Variants in PDZD2 observed in about 807,000 individuals in gnomAD.
PDZD2 encodes PDZ domain-containing protein 2.
A neutral mutation model predicts 220.7 loss-of-function variants in PDZD2; 90 were observed. The observed-to-expected ratio is 0.41, with a 90% CI of 0.34 to 0.49. The LOEUF (loss-of-function observed/expected upper bound fraction) is 0.49, where lower values mean the gene tolerates loss of function less well. Among genes scored for constraint, PDZD2 ranks in the 20% least tolerant of loss-of-function variants. PDZD2 has a pLI of 0.28. For synonymous variants in PDZD2, 1,375 were observed against 1,450.5 expected (o/e 0.95, Z 1.18); for missense variants, 3,174 against 3,608.5 (o/e 0.88, Z 3.08).
chr5:31,746,909 C>T (rs1443210615), intron 1 of PDZD2, among the ~76,000 whole-genome samples: 2 of 152,236 alleles, frequency 1.3e-5, no homozygotes, highest in African/African-American at 2.4e-5. Flanking sequence ...GGCGTGGTGG[C>T]TCACGCCTGT....
chr5:32,105,331 A>AATC (rs897090364), intron 24 of PDZD2, among the ~76,000 whole-genome samples: 22 of 152,198 alleles, frequency 1.4e-4, no homozygotes, highest in African/African-American at 5.1e-4. Context: ...AAATATTATA[A>AATC]ATCATTCTTT....
At chr5:31,666,673 C>T (rs1023515334) in intron 1 of PDZD2, among the ~76,000 whole-genome samples, 11 of 152,190 alleles carry the variant, frequency 7.2e-5, no homozygotes, top group African/African-American at 2.4e-4. Flanking sequence ...ATTCTACGCT[C>T]CAGTCTGAAA....
At chr5:31,855,487 G>T (rs1046203576) in intron 2 of PDZD2, among the ~76,000 whole-genome samples, 1 of 152,244 alleles carries the variant, frequency 6.6e-6, no homozygotes, top group South Asian at 2.1e-4. Context: ...GAGGGGACAG[G>T]TAATAGGGGG....
chr5:31,824,784 G>C lies in PDZD2; in HGVS notation c.476+25060G>C, dbSNP rs375629162. On this transcript the variant is annotated intron_variant, in intron 2 of 24. Coordinates refer to ENST00000438447, the MANE Select transcript of PDZD2 (RefSeq NM_178140.4). ...TTAAAATGGGAATAAAATGCGTTAG[G>C]AAAATTATGGAAAGATACACAAACA... Among the ~76,000 whole-genome samples the C allele has an allele frequency of 4.6e-5, 7 of 152,210 alleles. No homozygotes were observed. The East Asian group carries it at 1.4e-3, about 29-fold the overall frequency.
At chr5:31,856,945 A>G (rs920992773) in intron 2 of PDZD2, among the ~76,000 whole-genome samples, 1 of 150,412 alleles carries the variant, frequency 6.6e-6, no homozygotes, top group Non-Finnish European at 1.5e-5. Context: ...TAACTTTAAA[A>G]AGTCAAATAT....
chr5:31,906,645 C>T (rs1742685983), intron 2 of PDZD2, among the ~76,000 whole-genome samples: 1 of 152,066 alleles, frequency 6.6e-6, no homozygotes, highest in Non-Finnish European at 1.5e-5. Flanking sequence ...GAGTTCCAGA[C>T]CTGCCTGGCC....
intron 2 of PDZD2, among the ~76,000 whole-genome samples, chr5:31,845,431 G>T (rs891458566): frequency 6.6e-5 from 10 of 152,216 alleles, no homozygotes; most frequent in African/African-American, 2.4e-4. Flanking sequence ...GAGCTATCTG[G>T]AGAGGTGTGA....
In PDZD2 at chr5:32,103,728, A is replaced by G. The variant is rs1744474063; in HGVS notation, c.8353+2489A>G. ...CACGTAGCCTCTGCAGTCCAAAGGG[A>G]CACAACCCAAAAAAGCGTGTGAGCC... On this transcript the variant is annotated intron_variant, in intron 24 of 24. Coordinates refer to ENST00000438447, the MANE Select transcript of PDZD2 (RefSeq NM_178140.4). 5 of 152,394 alleles carry G rather than the reference A, an allele frequency of 3.3e-5. No individual in the cohort carries two copies. In the South Asian group the frequency reaches 1.0e-3, roughly 32 times the overall value. 9.4% of individuals were successfully genotyped at this position (152,394 alleles called of 1,614,324 possible).
intron 2 of PDZD2, among the ~76,000 whole-genome samples, chr5:31,850,492 C>T (rs1201180700): frequency 6.6e-6 from 1 of 151,880 alleles, no homozygotes; most frequent in East Asian, 1.9e-4. Flanking sequence ...TCTAGCCTCA[C>T]TTCTGCTTAA....
rs1745145862 is a variant in PDZD2, at chr5:31,646,604, A to AC, written c.-361+7170dup. Among the ~76,000 whole-genome samples the AC allele has an allele frequency of 6.6e-6, 1 of 151,946 alleles. No homozygotes were observed. The highest frequency in any genetic ancestry group is 1.5e-5 in the Non-Finnish European group (1 of 67,974). On this transcript the variant is annotated intron_variant, in intron 1 of 24. Coordinates refer to ENST00000438447, the MANE Select transcript of PDZD2 (RefSeq NM_178140.4). This position sits in a 1 kb window ranked among gnomAD's most constrained non-coding sequence, Gnocchi z 4.7. ...TGTTTTCAGTTGAACACCCCCCACCACCCGCCCAACACCCTCTTTCTGGCA... is the reference window on the plus strand; with the variant it reads ...TGTTTTCAGTTGAACACCCCCCACCACCCCGCCCAACACCCTCTTTCTGGCA...
chr5:31,893,685 A>C (rs914978925), intron 2 of PDZD2, among the ~76,000 whole-genome samples: 13 of 152,224 alleles, frequency 8.5e-5, no homozygotes, highest in African/African-American at 2.9e-4. Context: ...CTTAAAGTAT[A>C]AATCACCTTG....
At chr5:32,004,855 A>G (rs1410659606) in intron 5 of PDZD2, among the ~76,000 whole-genome samples, 1 of 152,188 alleles carries the variant, frequency 6.6e-6, no homozygotes, top group African/African-American at 2.4e-5. Context: ...GCATTCCAGA[A>G]CCAAAGGATG....
chr5:32,107,316 C>CT (rs1322650274), intron 24 of PDZD2: 1 of 152,108 alleles, frequency 6.6e-6, no homozygotes, highest in Non-Finnish European at 1.5e-5. Context: ...ATTCTCAGAA[C>CT]TTGCATATAT....
At chr5:31,955,630 A>T (rs917992039) in intron 2 of PDZD2, among the ~76,000 whole-genome samples, 2 of 142,356 alleles carry the variant, frequency 1.4e-5, no homozygotes, top group Non-Finnish European at 3.0e-5. Context: ...TCTCTCATTT[A>T]TCTTTCCCTG....
chr5:32,026,562 C>G (rs1754684680), intron 6 of PDZD2, among the ~76,000 whole-genome samples: 1 of 152,220 alleles, frequency 6.6e-6, no homozygotes. Flanking sequence ...CGCACGCACA[C>G]ACACACACAC....
At chr5:31,903,394 C>G (rs1304987017) in intron 2 of PDZD2, among the ~76,000 whole-genome samples, 1 of 151,574 alleles carries the variant, frequency 6.6e-6, no homozygotes, top group Non-Finnish European at 1.5e-5. Flanking sequence ...CACCTATAAT[C>G]CAAACACTTT....
Position 31,799,494 on chromosome 5 carries a change from T to A in PDZD2, c.246T>A (p.Thr82=). The change falls in exon 2 of 25, where the codon ACT becomes ACA. Residue 82 remains threonine (T), a synonymous_variant. Transcript: ENST00000438447. ...CCAAGGAGCTGGGGGACACAGAGACTGTGGGCCTGAGTTTTGGGAACATCC... is the reference window on the plus strand; with the variant it reads ...CCAAGGAGCTGGGGGACACAGAGACAGTGGGCCTGAGTTTTGGGAACATCC... The part of the protein sequence containing the change: ...YLTKELGDTE[T]VGLSFGNIPV... 1 of 1,614,158 alleles carries A rather than the reference T, an allele frequency of 6.2e-7. No individual in the cohort carries two copies. The highest frequency in any genetic ancestry group is 2.2e-5 in the East Asian group (1 of 44,870).
chr5:31,983,708 G>A (rs758299487), intron 3 of PDZD2, 52 bp downstream of exon 3: 1 of 1,550,190 alleles, frequency 6.5e-7, no homozygotes, highest in East Asian at 2.3e-5. Context: ...GTGTGTGTTT[G>A]TTTGTTTTTG....
rs189247551 is a variant in PDZD2 at position 32,099,636 on chromosome 5, G to C, written c.8218+1002G>C. The C allele has an allele frequency of 4.1e-4, 63 of 152,288 alleles. 1 individual carries two copies. The highest frequency in any genetic ancestry group is 1.5e-3 in the African/African-American group (61 of 41,548). The allele number at this position is 152,288 out of a possible 1,614,324, so 9.4% of individuals were successfully genotyped here. ...CTTGCCTTTGCCCCAAAACTGTCTC[G>C]ACCACTTGGTGGACTTTCAGTGGGA... On this transcript the variant is annotated intron_variant, in intron 23 of 24. Transcript: ENST00000438447.
Sources: allele counts gnomAD v4.1 joint callset (sites outside exome capture counted in the v4.1 genomes callset), GRCh38; gene constraint gnomAD v4.1.1; non-coding constraint Gnocchi (gnomAD v3.1); transcripts MANE v1.5; gene names NCBI Gene and HGNC (gene_info 2026-07-23, HGNC 2026-07-21).